The following FAM193A variants were observed in gnomAD, a reference collection of about 807,000 sequenced individuals.
FAM193A encodes the protein family with sequence similarity 193 member A, also known as protein FAM193A.
In FAM193A, 22 loss-of-function variants were observed where a neutral mutation model predicts 126.5. The ratio of observed to expected loss-of-function variants is 0.17; its 90% CI spans 0.12 to 0.25. The LOEUF (loss-of-function observed/expected upper bound fraction) is 0.25. Ranked by LOEUF, FAM193A falls within the 10% of genes least tolerant of loss-of-function variation. The probability of loss-of-function intolerance (pLI) is 1.00; values close to 1 mark genes in which losing one functional copy is unlikely to be tolerated. For missense variants in FAM193A, 1,675 were observed against 1,672.8 expected (o/e 1.00, Z -0.02); for synonymous variants, 761 against 646.8 (o/e 1.18, Z -2.68).
At chr4:2,566,239 G>A (rs180744383) in intron 1 of FAM193A, among the ~76,000 whole-genome samples, 80 of 152,136 alleles carry the variant, frequency 5.3e-4, no homozygotes, top group Admixed American at 8.5e-4. Flanking sequence ...AGTAGAGATG[G>A]GGTTTCACCG....
rs910594767 is a variant in FAM193A at position 2,625,313 on chromosome 4, G to A, written c.553G>A (p.Gly185Ser). The change falls in exon 3 of 21, where the codon GGC (glycine) becomes AGC (serine). Residue 185 changes from glycine (G) to serine (S), a missense_variant. Physicochemically the swap from Gly to Ser is moderately conservative, Grantham distance 56. Around this residue, in one of 4 missense-constraint regions of FAM193A, gnomAD observed 1,186 missense variants for 1,109.2 expected, o/e 1.07. Coordinates refer to ENST00000637812, the MANE Select transcript of FAM193A (RefSeq NM_001366318.2). ...GCTTGGTGGCTCCCAGCCAGAGGCC[G>A]GCAGTGGTGGGAGGCTCGCTCTGGG... is the stretch of plus-strand genomic sequence containing the variant. ...SSLGGSQPEA[G>S]SGGRLALGAQ... 1.7e-5 allele frequency: 12 copies of A among 703,030 alleles called. No individual in the cohort carries two copies. Among genetic ancestry groups the A allele is most frequent in the Middle Eastern group, 2.3e-4 (1 of 4,370 alleles). The allele number at this position is 703,030 out of a possible 1,614,324, so 43.5% of individuals were successfully genotyped here.
At chr4:2,617,240 T>TTTTATA (rs377206444) in intron 2 of FAM193A, among the ~76,000 whole-genome samples, 360 of 34,908 alleles carry the variant, frequency 0.01, 16 homozygotes, top group Middle Eastern at 0.026. Context: ...TATGTTTTTA[T>TTTTATA]TATATATATA....
At chr4:2,611,678 T>C (rs1361601692) in intron 2 of FAM193A, among the ~76,000 whole-genome samples, 1 of 152,202 alleles carries the variant, frequency 6.6e-6, no homozygotes, top group African/African-American at 2.4e-5. Context: ...CTCATTTTTA[T>C]TGAGTTGTCT....
intron 19 of FAM193A, among the ~76,000 whole-genome samples, chr4:2,715,084 T>C (rs1422727475): frequency 6.6e-6 from 1 of 152,256 alleles, no homozygotes; most frequent in Non-Finnish European, 1.5e-5. Flanking sequence ...TCTCAATCAA[T>C]GATTTCCCTG....
At chr4:2,594,463 C>T (rs1740736915) in intron 1 of FAM193A, among the ~76,000 whole-genome samples, 1 of 152,218 alleles carries the variant, frequency 6.6e-6, no homozygotes, top group South Asian at 2.1e-4. Flanking sequence ...GGTCCACTCT[C>T]TTCCCACCTG....
intron 1 of FAM193A, among the ~76,000 whole-genome samples, chr4:2,593,749 G>A (rs1740697652): frequency 6.6e-6 from 1 of 152,144 alleles, no homozygotes; most frequent in Admixed American, 6.5e-5. Flanking sequence ...ATCTCATTCT[G>A]TAATTAAAAG....
chr4:2,709,705 A>AAAAAC (rs369948533), intron 19 of FAM193A, among the ~76,000 whole-genome samples: 4,750 of 152,014 alleles, frequency 0.031, 231 homozygotes, highest in African/African-American at 0.11. Context: ...ACTCCACCTC[A>AAAAAC]AAAACAAAAC....
At chr4:2,683,288 T>C (rs1367988325) in intron 13 of FAM193A, among the ~76,000 whole-genome samples, 1 of 151,986 alleles carries the variant, frequency 6.6e-6, no homozygotes, top group Non-Finnish European at 1.5e-5. Flanking sequence ...TTTTCTCTTT[T>C]TTTTTTTTTT....
At chr4:2,577,335 T>G (rs1739644727) in intron 1 of FAM193A, among the ~76,000 whole-genome samples, 1 of 152,128 alleles carries the variant, frequency 6.6e-6, no homozygotes, top group Non-Finnish European at 1.5e-5. Context: ...ACCTGGAAAT[T>G]TCTTTGTCGT....
chr4:2,699,521 G>T (rs145920664), intron 18 of FAM193A, among the ~76,000 whole-genome samples, 159 bp from the exon 19 acceptor site: 196 of 147,394 alleles, frequency 1.3e-3, no homozygotes, highest in African/African-American at 4.8e-3. Flanking sequence ...CAGAGTAAGA[G>T]AATTGGAGGT....
intron 13 of FAM193A, among the ~76,000 whole-genome samples, chr4:2,688,241 C>A (rs1715968206): frequency 1.3e-5 from 2 of 152,168 alleles, no homozygotes; most frequent in South Asian, 4.1e-4. Flanking sequence ...ATCAAACCAA[C>A]AGGCTACAAG....
At chr4:2,679,018 C>T (rs1353070385) in intron 13 of FAM193A, among the ~76,000 whole-genome samples, 1 of 152,138 alleles carries the variant, frequency 6.6e-6, no homozygotes, top group Non-Finnish European at 1.5e-5. Flanking sequence ...TAAGGAAAAG[C>T]TTTCATTCGT....
chr4:2,725,365 G>T (rs954006382), intron 20 of FAM193A, among the ~76,000 whole-genome samples: 1 of 147,088 alleles, frequency 6.8e-6, no homozygotes, highest in Admixed American at 6.9e-5. Context: ...GGGGAGGGTC[G>T]CTTGAGCCCA....
intron 6 of FAM193A, among the ~76,000 whole-genome samples, chr4:2,644,213 A>T (rs1452891800): frequency 2.6e-5 from 4 of 152,148 alleles, no homozygotes; most frequent in Non-Finnish European, 5.9e-5. Context: ...GATATCCACA[A>T]ACCCCCTCCC....
At chr4:2,570,257 C>CT (rs1739212297) in intron 1 of FAM193A, among the ~76,000 whole-genome samples, 1 of 152,064 alleles carries the variant, frequency 6.6e-6, no homozygotes, top group Non-Finnish European at 1.5e-5. Context: ...TCATGGTACC[C>CT]TTATGTCTCC....
At chr4:2,671,759 G>C (rs1311742398) in intron 12 of FAM193A, among the ~76,000 whole-genome samples, 2 of 152,232 alleles carry the variant, frequency 1.3e-5, no homozygotes, top group Non-Finnish European at 2.9e-5. Context: ...CTTAGAAGCA[G>C]TGTGAGCCCA....
chr4:2,700,458 A>G lies in FAM193A; in HGVS notation c.4286A>G (p.Lys1429Arg), dbSNP rs1397167864. The change falls in exon 19 of 21, where the codon AAG becomes AGG. Residue 1429 changes from lysine to arginine, a missense_variant. By Grantham distance (26) the Lys-to-Arg change is conservative (BLOSUM62 2). Coordinates refer to ENST00000637812, the MANE Select transcript of FAM193A (RefSeq NM_001366318.2). ...CCCGGTGAGCATCAGCAGAACAGCA[A>G]GCTGGTGCTGGCAGAGTCCCCTCAG... ...TSPGEHQQNS[K>R]LVLAESPQPK... 2 of 1,614,208 alleles carry G rather than the reference A, an allele frequency of 1.2e-6. No individual in the cohort carries two copies. Among genetic ancestry groups the G allele is most frequent in the Non-Finnish European group, 1.7e-6 (2 of 1,179,998 alleles).
In FAM193A at chr4:2,700,224, C is replaced by T. The variant is rs537047866; in HGVS notation, c.4052C>T (p.Ala1351Val). The T allele has an allele frequency of 1.2e-6, 2 of 1,613,826 alleles. No individual in the cohort carries two copies. The highest frequency in any genetic ancestry group is 1.3e-5 in the African/African-American group (1 of 74,906). ...ACCAGCAAGGCCAGCAGCGAGCCAG[C>T]GAGGAGGCCCACAGAGCCCCCCAAG... ...RQTSKASSEPARRPTEPPKAT... is the reference protein window; with the variant it reads ...RQTSKASSEPVRRPTEPPKAT... Residue 1351 changes from alanine to valine, a missense_variant, in exon 19 of 21, where the codon GCG becomes GTG. By Grantham distance (64) the Ala-to-Val change is moderately conservative. This residue lies in a region of FAM193A where 415 missense variants were observed against 396.7 expected (regional missense o/e 1.05). Coordinates refer to ENST00000637812, the MANE Select transcript of FAM193A (RefSeq NM_001366318.2).
At chr4:2,689,397 G>C in intron 13 of FAM193A, 109 bp from the exon 14 acceptor site, 2 of 749,918 alleles carry the variant, frequency 2.7e-6, no homozygotes, top group Non-Finnish European at 4.2e-6. Flanking sequence ...AGCTCATGGC[G>C]AGCACATCCC....
Sources: gnomAD v4.1 joint callset for allele counts (sites outside exome capture counted in the v4.1 genomes callset) on GRCh38, gnomAD v4.1.1 for gene constraint, gnomAD v4.1.1 regional missense constraint, MANE v1.5 for transcripts, NCBI Gene and HGNC (gene_info 2026-07-23, HGNC 2026-07-21) for gene names.